COMMD10: variants seen among roughly 807,000 people sequenced by gnomAD.
COMMD10 encodes the protein COMM domain containing 10, also known as COMM domain-containing protein 10.
In COMMD10, 33 loss-of-function variants were observed where a neutral mutation model predicts 28.9. The ratio of observed to expected loss-of-function variants is 1.14; its 90% confidence interval spans 0.87 to 1.53. The LOEUF (loss-of-function observed/expected upper bound fraction) is 1.53. Among genes scored for constraint, COMMD10 ranks in the 40% most tolerant of loss-of-function variants. The pLI, the probability that COMMD10 is intolerant of heterozygous loss-of-function variation, is 0.00. For synonymous variants in COMMD10, 110 were observed against 81.7 expected, an observed-to-expected ratio of 1.35 and a Z score of -1.87; for missense variants, 310 against 233.4, an observed-to-expected ratio of 1.33 and a Z score of -2.14.
intron 5 of COMMD10, among the ~76,000 whole-genome samples, chr5:116,144,339 G>A (rs961713429): frequency 6.6e-6 from 1 of 151,822 alleles, no homozygotes; most frequent in Non-Finnish European, 1.5e-5. Flanking sequence ...TAAAGTTAGA[G>A]GGAAGCAGGG....
intron 2 of COMMD10, among the ~76,000 whole-genome samples, chr5:116,089,826 G>C (rs184196832): frequency 6.6e-6 from 1 of 152,166 alleles, no homozygotes; most frequent in Non-Finnish European, 1.5e-5. Flanking sequence ...AGGTCTAATT[G>C]TTTTTTTCCT....
intron 5 of COMMD10, among the ~76,000 whole-genome samples, chr5:116,240,799 G>A (rs1749789975): frequency 6.6e-6 from 1 of 152,142 alleles, no homozygotes; most frequent in Non-Finnish European, 1.5e-5. Context: ...TAAAAGCCAA[G>A]TGGTGATTTC....
chr5:116,189,973 C>T (rs1429854356), intron 5 of COMMD10, among the ~76,000 whole-genome samples: 10 of 152,144 alleles, frequency 6.6e-5, no homozygotes, highest in Admixed American at 5.9e-4. Context: ...CCCTTTCCTG[C>T]TCTTAGAGTA....
chr5:116,093,962 CT>C (rs2112713778), intron 4 of COMMD10, among the ~76,000 whole-genome samples: 1 of 152,246 alleles, frequency 6.6e-6, no homozygotes, highest in South Asian at 2.1e-4. Context: ...GCTAGGAAAA[CT>C]GGATAACTAT....
chr5:116,215,009 G>C (rs764945375), intron 5 of COMMD10, among the ~76,000 whole-genome samples: 1 of 152,052 alleles, frequency 6.6e-6, no homozygotes, highest in Admixed American at 6.6e-5. Flanking sequence ...TATGCAAATA[G>C]AGGATTTTCA....
chr5:116,252,909 A>G, intron 5 of COMMD10, among the ~76,000 whole-genome samples: 1 of 112,678 alleles, frequency 8.9e-6, no homozygotes, highest in Non-Finnish European at 1.9e-5. Context: ...CATTTTCATG[A>G]TATTGATTCT....
At chr5:116,085,196 G>T in intron 1 of COMMD10, 103 bp downstream of exon 1, 1 of 885,054 alleles carries the variant, frequency 1.1e-6, no homozygotes, top group Non-Finnish European at 1.7e-6. Context: ...GCCGCGGCGG[G>T]CCCGGTTGAG....
chr5:116,153,323 G>A (rs551297884), intron 5 of COMMD10, among the ~76,000 whole-genome samples: 1 of 152,064 alleles, frequency 6.6e-6, no homozygotes, highest in South Asian at 2.1e-4. Flanking sequence ...GGAGGCTGAG[G>A]GGGCATCTGA....
intron 5 of COMMD10, among the ~76,000 whole-genome samples, chr5:116,156,295 G>A (rs1176836554): frequency 6.6e-6 from 1 of 152,136 alleles, no homozygotes; most frequent in Non-Finnish European, 1.5e-5. Flanking sequence ...GTTGCTAGAG[G>A]ATGTCAAGCA....
At chr5:116,214,282 A>G (rs1351976012) in intron 5 of COMMD10, among the ~76,000 whole-genome samples, 2 of 150,112 alleles carry the variant, frequency 1.3e-5, no homozygotes, top group African/African-American at 5.0e-5. Flanking sequence ...GTAGACAGTA[A>G]TTTCACAATT....
intron 5 of COMMD10, among the ~76,000 whole-genome samples, chr5:116,152,644 C>A (rs577512112): frequency 6.6e-6 from 1 of 152,014 alleles, no homozygotes; most frequent in Non-Finnish European, 1.5e-5. Context: ...GAGAATAAAA[C>A]ATCTTTTAAA....
intron 5 of COMMD10, among the ~76,000 whole-genome samples, chr5:116,248,908 G>A (rs745811426): frequency 4.6e-5 from 7 of 151,906 alleles, no homozygotes; most frequent in Non-Finnish European, 1.0e-4. Flanking sequence ...AGAAATTTAA[G>A]TTACTGACAT....
At chr5:116,154,576 T>G (rs1752644354) in intron 5 of COMMD10, among the ~76,000 whole-genome samples, 1 of 152,104 alleles carries the variant, frequency 6.6e-6, no homozygotes, top group Non-Finnish European at 1.5e-5. Context: ...TCTTTGGAGC[T>G]CTGATATAAA....
intron 5 of COMMD10, among the ~76,000 whole-genome samples, chr5:116,220,908 A>C (rs1265439101): frequency 1.3e-5 from 2 of 152,120 alleles, no homozygotes; most frequent in Non-Finnish European, 2.9e-5. Flanking sequence ...CCAAGCTTGC[A>C]GCACATTCAG....
chr5:116,124,515 C>A (rs141300660), intron 4 of COMMD10, among the ~76,000 whole-genome samples: 1 of 151,610 alleles, frequency 6.6e-6, no homozygotes, highest in Non-Finnish European at 1.5e-5. Context: ...GGAATAATTG[C>A]GATGCGGTGC....
intron 5 of COMMD10, among the ~76,000 whole-genome samples, chr5:116,251,266 T>TTTTA (rs139799729): frequency 0.017 from 2,292 of 138,132 alleles, 48 homozygotes; most frequent in African/African-American, 0.053. Context: ...ACTCTTTTCT[T>TTTTA]TTTATTTATT....
At chr5:116,092,263 A>G (rs947757449) in intron 3 of COMMD10, among the ~76,000 whole-genome samples, 5 of 152,202 alleles carry the variant, frequency 3.3e-5, no homozygotes, top group Non-Finnish European at 7.4e-5. Context: ...TAGCCAAAGC[A>G]AAGAAGAAGT....
intron 5 of COMMD10, among the ~76,000 whole-genome samples, chr5:116,139,796 G>A (rs199949548): frequency 6.6e-6 from 1 of 151,586 alleles, no homozygotes; most frequent in East Asian, 1.9e-4. Flanking sequence ...TATACGGCAT[G>A]CTGTTTTGAT....
In COMMD10 at chr5:116,292,445, A is replaced by C; in HGVS notation, c.571-6A>C. 6.7e-7 allele frequency: 1 copy of C among 1,481,876 alleles called. No individual in the cohort carries two copies. Among genetic ancestry groups the C allele is most frequent in the Non-Finnish European group, 9.0e-7 (1 of 1,116,512 alleles). The allele number at this position is 1,481,876 out of a possible 1,614,324, so 91.8% of individuals were successfully genotyped here. On this transcript the variant is annotated splice_polypyrimidine_tract_variant and splice_region_variant and intron_variant, in intron 6 of 6. Transcript: ENST00000274458. ...CGTCTTTTTTTTTTTTTGTCTTTGT[A>C]AATAGCTAGAGACTATACAAGCACA... is the stretch of plus-strand genomic sequence containing the variant.
Sources: gnomAD v4.1 joint callset for allele counts (sites outside exome capture counted in the v4.1 genomes callset) on GRCh38, gnomAD v4.1.1 for gene constraint, MANE v1.5 for transcripts, NCBI Gene and HGNC (gene_info 2026-07-23, HGNC 2026-07-21) for gene names.